PRKCB: variants seen among roughly 807,000 people sequenced by gnomAD.
The protein encoded by PRKCB is protein kinase C beta type.
PRKCB carries 13 observed loss-of-function variants against 81.5 expected under a neutral mutation model. The observed-to-expected ratio is 0.16, with a 90% CI of 0.10 to 0.25. PRKCB has a LOEUF of 0.25. PRKCB is among the 10% of genes least tolerant of loss of function. PRKCB has a pLI of 1.00. For missense variants in PRKCB, 509 were observed against 875.7 expected (o/e 0.58, Z 5.29); for synonymous variants, 335 against 321.4 (o/e 1.04, Z -0.45).
At position 24,094,306 on chromosome 16, in the gene PRKCB, G is replaced by A; in HGVS notation, c.821+9G>A. ...GCCAGTGTTGATGGCTGGTAAGTAA[G>A]ATTTTGCCTTGAAAGCTACCATACA... On this transcript the variant is annotated intron_variant, in intron 7 of 16. Coordinates refer to ENST00000643927, the MANE Select transcript of PRKCB (RefSeq NM_002738.7). The A allele has an allele frequency of 6.2e-7, 1 of 1,613,706 alleles. No individual in the cohort carries two copies. The highest frequency in any genetic ancestry group is 8.5e-7 in the Non-Finnish European group (1 of 1,179,860).
intron 5 of PRKCB, among the ~76,000 whole-genome samples, chr16:24,081,729 T>C (rs7199014): frequency 0.04 from 6,000 of 151,760 alleles, 311 homozygotes; most frequent in African/African-American, 0.13. Flanking sequence ...CAAAAATTAG[T>C]CGGGCGTGGT....
intron 5 of PRKCB, among the ~76,000 whole-genome samples, chr16:24,059,923 C>T (rs533432314): frequency 3.9e-5 from 6 of 152,014 alleles, no homozygotes; most frequent in South Asian, 2.1e-4. Context: ...GGCAGGATGC[C>T]GGAAAGCCTG....
chr16:24,219,767 A>C lies in PRKCB; in HGVS notation c.*4951A>C. ...CTTCTTTTCTTAGAAAATTTCCACC[A>C]CATTTCTATCCCCAAGCCAACATAC... On this transcript the variant is annotated 3_prime_UTR_variant, in exon 17 of 17. Transcript: ENST00000643927. 1 of 1,400,288 alleles carries C rather than the reference A, an allele frequency of 7.1e-7. No individual in the cohort carries two copies. The highest frequency in any genetic ancestry group is 9.3e-7 in the Non-Finnish European group (1 of 1,080,506). The allele number at this position is 1,400,288 out of a possible 1,614,324, so 86.7% of individuals were successfully genotyped here.
At chr16:24,062,518 C>G (rs1307776016) in intron 5 of PRKCB, among the ~76,000 whole-genome samples, 5 of 152,226 alleles carry the variant, frequency 3.3e-5, no homozygotes, top group African/African-American at 1.2e-4. Context: ...ATTTTACTTT[C>G]TCAAGTATAA....
At chr16:23,849,330 G>T (rs779068267) in intron 2 of PRKCB, among the ~76,000 whole-genome samples, 6 of 152,190 alleles carry the variant, frequency 3.9e-5, no homozygotes, top group Non-Finnish European at 7.4e-5. Context: ...GTAGGTGAAG[G>T]TGGAGGGTGA....
At chr16:24,021,659 C>T (rs1001859307) in intron 3 of PRKCB, among the ~76,000 whole-genome samples, 15 of 151,976 alleles carry the variant, frequency 9.9e-5, no homozygotes, top group African/African-American at 2.7e-4. Flanking sequence ...GGTTCCCACT[C>T]GGCTGGCTGC....
chr16:23,903,920 C>A (rs60561757), intron 2 of PRKCB, among the ~76,000 whole-genome samples: 1 of 151,960 alleles, frequency 6.6e-6, no homozygotes, highest in Non-Finnish European at 1.5e-5. Flanking sequence ...TCTGCAACGA[C>A]GCTGGCACAC....
In PRKCB at chr16:23,945,799, T is replaced by G. The variant is rs549501692; in HGVS notation, c.206-42709T>G. On this transcript the variant is annotated intron_variant, in intron 2 of 16. Transcript: ENST00000643927. ...AAACAAACAATGAACAACCCTGGTA[T>G]GCAGTGCTTGCCACTGGTCAGTTTC... Among the ~76,000 whole-genome samples, 6 of 152,282 alleles carry G rather than the reference T, an allele frequency of 3.9e-5. No homozygotes were observed. The South Asian group carries it at 1.2e-3, about 32-fold the overall frequency.
chr16:24,014,155 C>T (rs755965015), intron 3 of PRKCB, among the ~76,000 whole-genome samples: 10 of 152,116 alleles, frequency 6.6e-5, no homozygotes, highest in Admixed American at 1.3e-4. Context: ...AAGCTGGCAG[C>T]GGCTTTGCAA....
intron 7 of PRKCB, among the ~76,000 whole-genome samples, chr16:24,102,484 A>G (rs1347570367): frequency 1.3e-5 from 2 of 152,112 alleles, no homozygotes; most frequent in South Asian, 2.1e-4. Context: ...CACCATTTAG[A>G]AGGGGATGGG....
intron 2 of PRKCB, among the ~76,000 whole-genome samples, chr16:23,838,258 A>G (rs939136835): frequency 2.6e-5 from 4 of 152,160 alleles, no homozygotes; most frequent in African/African-American, 4.8e-5. Flanking sequence ...CTAATTTCCA[A>G]CTTTAACTTT....
intron 8 of PRKCB, 135 bp downstream of exon 8, chr16:24,113,204 CT>C: frequency 3.4e-6 from 2 of 580,188 alleles, no homozygotes; most frequent in South Asian, 5.0e-5. Flanking sequence ...CTTCCTCTCT[CT>C]TTTCTTTCCT....
At chr16:24,093,184 T>C (rs1206725415) in intron 6 of PRKCB, among the ~76,000 whole-genome samples, 2 of 152,082 alleles carry the variant, frequency 1.3e-5, no homozygotes, top group Admixed American at 6.6e-5. Flanking sequence ...AGAATGCCTG[T>C]GGTGTGGGGG....
At chr16:24,042,716 A>G (rs903135969) in intron 5 of PRKCB, among the ~76,000 whole-genome samples, 6 of 151,034 alleles carry the variant, frequency 4.0e-5, no homozygotes, top group African/African-American at 1.2e-4. Flanking sequence ...TTTTGAGGTG[A>G]AATGTACATA....
At chr16:23,858,152 G>A (rs1270583159) in intron 2 of PRKCB, among the ~76,000 whole-genome samples, 5 of 152,126 alleles carry the variant, frequency 3.3e-5, no homozygotes, top group East Asian at 3.8e-4. Context: ...AATGAGCTGG[G>A]CATTTTCACA....
At chr16:24,000,530 G>A (rs1359506077) in intron 3 of PRKCB, among the ~76,000 whole-genome samples, 1 of 152,110 alleles carries the variant, frequency 6.6e-6, no homozygotes, top group Non-Finnish European at 1.5e-5. Flanking sequence ...ATGTAAAATA[G>A]GATGTTAGTA....
rs116342050 is a variant in PRKCB, at chr16:24,060,719, T to G, written c.529+25172T>G. The stretch of plus-strand genomic sequence containing the variant: ...GTGGGGAATGGGCTTATAAATGCTC[T>G]TCCCCAGCCTCAGTAGGGAACAAGT... On this transcript the variant is annotated intron_variant, in intron 5 of 16. Transcript: ENST00000643927. Among the ~76,000 whole-genome samples, 1,208 of 152,300 alleles carry G rather than the reference T, an allele frequency of 7.9e-3. 21 individuals are homozygous for G. The highest frequency in any genetic ancestry group is 0.027 in the African/African-American group (1,130 of 41,572).
intron 2 of PRKCB, among the ~76,000 whole-genome samples, chr16:23,920,622 T>C (rs535807195): frequency 6.6e-6 from 1 of 152,308 alleles, no homozygotes; most frequent in African/African-American, 2.4e-5. Flanking sequence ...CCAGCTTTCC[T>C]GTCAGGCGGT....
chr16:24,003,976 A>G (rs963314997), intron 3 of PRKCB, among the ~76,000 whole-genome samples: 2 of 152,220 alleles, frequency 1.3e-5, no homozygotes, highest in Non-Finnish European at 1.5e-5. Context: ...ACATATCCCA[A>G]ATAAAATAGT....
Sources: gnomAD v4.1 joint callset for allele counts (sites outside exome capture counted in the v4.1 genomes callset) on GRCh38, gnomAD v4.1.1 for gene constraint, MANE v1.5 for transcripts, NCBI Gene and HGNC (gene_info 2026-07-23, HGNC 2026-07-21) for gene names.